The following PLA2G2C variants were observed in gnomAD, a reference collection of about 807,000 sequenced individuals.
PLA2G2C encodes the protein phospholipase A2 group IIC, also known as putative inactive group IIC secretory phospholipase A2.
A neutral mutation model predicts 14.3 loss-of-function variants in PLA2G2C; 15 were observed. The ratio of observed to expected loss-of-function variants is 1.05; its 90% CI spans 0.70 to 1.62. The LOEUF is 1.62. Ranked by LOEUF, PLA2G2C falls within the 40% of genes most tolerant of loss-of-function variation. PLA2G2C has a pLI of 0.00. For missense variants in PLA2G2C, 162 were observed against 173.2 expected, an observed-to-expected ratio of 0.94 and a Z score of 0.36; for synonymous variants, 79 against 67.7, an observed-to-expected ratio of 1.17 and a Z score of -0.82.
intron 4 of PLA2G2C, among the ~76,000 whole-genome samples, chr1:20,169,581 G>A (rs2100714617): frequency 6.6e-6 from 1 of 152,290 alleles, no homozygotes; most frequent in East Asian, 1.9e-4. Context: ...AAATCCCAGT[G>A]CCGTAAGCAA....
chr1:20,176,605 C>T (rs976341644), intron 2 of PLA2G2C, among the ~76,000 whole-genome samples: 3 of 152,216 alleles, frequency 2.0e-5, no homozygotes, highest in African/African-American at 4.8e-5. Context: ...GCTGCAGAGG[C>T]GGTCATCCCT....
chr1:20,176,685 A>G (rs1343345750), intron 2 of PLA2G2C, among the ~76,000 whole-genome samples: 2 of 152,216 alleles, frequency 1.3e-5, no homozygotes, highest in Non-Finnish European at 2.9e-5. Context: ...GGGGAAAGGA[A>G]GTCTGTTTTT....
At chr1:20,169,045 G>C (rs189492030) in intron 4 of PLA2G2C, among the ~76,000 whole-genome samples, 1 of 151,688 alleles carries the variant, frequency 6.6e-6, no homozygotes, top group South Asian at 2.2e-4. Flanking sequence ...AGCAGCCCCC[G>C]GTTGCTAGGC....
At chr1:20,172,098 C>T (rs1039855783) in intron 4 of PLA2G2C, among the ~76,000 whole-genome samples, 2 of 152,148 alleles carry the variant, frequency 1.3e-5, no homozygotes, top group African/African-American at 4.8e-5. Context: ...TCTTCACCCT[C>T]CCAGCCCAGG....
chr1:20,184,381 A>G (rs1380634706), intron 1 of PLA2G2C: 1 of 152,272 alleles, frequency 6.6e-6, no homozygotes, highest in African/African-American at 2.4e-5. Context: ...TTAACAAGAA[A>G]TAAGCCGTCA....
At chr1:20,183,502 A>T (rs1199868573) in intron 1 of PLA2G2C, among the ~76,000 whole-genome samples, 1 of 152,192 alleles carries the variant, frequency 6.6e-6, no homozygotes, top group Non-Finnish European at 1.5e-5. Flanking sequence ...CTGAGGCTCC[A>T]CTGTTTTCTA....
intron 4 of PLA2G2C, among the ~76,000 whole-genome samples, chr1:20,166,894 C>T (rs10916715): frequency 0.13 from 20,175 of 152,192 alleles, 1,718 homozygotes; most frequent in East Asian, 0.49. Context: ...ATGGACCGGG[C>T]CTGTCATGAC....
chr1:20,178,172 G>A (rs2100722989), intron 1 of PLA2G2C, among the ~76,000 whole-genome samples: 1 of 152,206 alleles, frequency 6.6e-6, no homozygotes, highest in East Asian at 1.9e-4. Flanking sequence ...CGATTAGTAT[G>A]GGTAATGATA....
Position 20,175,123 on chromosome 1 carries a change from C to T in PLA2G2C, c.63G>A (p.Trp21Ter). ...LFCSPTHSSFWQFQRRVKHIT... is the reference protein window; with the variant it reads ...LFCSPTHSSF ...TGTGTTTGACCCTCCTCTGAAACTGCCAGAAACTGCTGTGGGTGGGGGCTG... is the reference window on the plus strand; with the variant it reads ...TGTGTTTGACCCTCCTCTGAAACTGTCAGAAACTGCTGTGGGTGGGGGCTG... Residue 21 changes from tryptophan (W) to a stop codon, truncating the protein, a stop_gained, in exon 3 of 5, where the codon TGG (tryptophan) becomes TGA (stop). Coordinates refer to ENST00000679259, the MANE Select transcript of PLA2G2C (RefSeq NM_001367969.2). LOFTEE classifies it high-confidence loss of function. The T allele has an allele frequency of 6.2e-7, 1 of 1,613,878 alleles. No homozygotes were observed. The highest frequency in any genetic ancestry group is 1.6e-4 in the Middle Eastern group (1 of 6,062).
At chr1:20,175,940 G>A (rs1569934445) in intron 2 of PLA2G2C, among the ~76,000 whole-genome samples, 2 of 143,918 alleles carry the variant, frequency 1.4e-5, no homozygotes, top group South Asian at 2.2e-4. Flanking sequence ...ACGGAGTTTC[G>A]CTGTTGTTAC....
At chr1:20,164,639 G>A (rs12139181) in intron 4 of PLA2G2C, among the ~76,000 whole-genome samples, 1 of 152,054 alleles carries the variant, frequency 6.6e-6, no homozygotes, top group Non-Finnish European at 1.5e-5. Context: ...CCTATTTCCA[G>A]CTGCCTGCTT....
chr1:20,175,932 G>A (rs1161284580), intron 2 of PLA2G2C, among the ~76,000 whole-genome samples: 3 of 147,856 alleles, frequency 2.0e-5, no homozygotes, highest in South Asian at 2.1e-4. Context: ...TTTTTGAGAC[G>A]GAGTTTCGCT....
chr1:20,172,267 C>A (rs2018095853), intron 4 of PLA2G2C, among the ~76,000 whole-genome samples: 1 of 152,022 alleles, frequency 6.6e-6, no homozygotes, highest in Non-Finnish European at 1.5e-5. Flanking sequence ...GGCCACGCCC[C>A]ATGTGAAGGG....
intron 4 of PLA2G2C, among the ~76,000 whole-genome samples, chr1:20,165,850 T>C (rs1274157125): frequency 6.6e-6 from 1 of 152,156 alleles, no homozygotes; most frequent in Non-Finnish European, 1.5e-5. Flanking sequence ...TGTTTAGGGC[T>C]CTCAGGTACA....
At chr1:20,172,685 A>C in intron 4 of PLA2G2C, 109 bp downstream of exon 4, 2 of 958,600 alleles carry the variant, frequency 2.1e-6, no homozygotes, top group South Asian at 1.7e-5. Flanking sequence ...TCTCCTTCCA[A>C]GCACTTGGAA....
rs1190483824 is a variant in PLA2G2C, at chr1:20,172,887, A to G, written c.190T>C (p.Ser64Pro). Residue 64 changes from serine (S) to proline (P), a missense_variant, in exon 4 of 5, where the codon TCA (serine) becomes CCA (proline). By Grantham distance (74) the Ser-to-Pro change is moderately conservative. Transcript: ENST00000679259. ...AGCTTCTCGTAGGGAGAGGGAGATGAGGGGCTGTGCCTGGAAGTGGGTCCC... is the reference window on the plus strand; with the variant it reads ...AGCTTCTCGTAGGGAGAGGGAGATGGGGGGCTGTGCCTGGAAGTGGGTCCC... ...PVDDTDRHSP[S>P]SPSPYEKLKE... 1.2e-6 allele frequency: 2 copies of G among 1,613,616 alleles called. No individual in the cohort carries two copies. Among genetic ancestry groups the G allele is most frequent in the Non-Finnish European group, 8.5e-7 (1 of 1,179,726 alleles).
intron 1 of PLA2G2C, among the ~76,000 whole-genome samples, chr1:20,178,960 T>G (rs1316677137): frequency 6.6e-6 from 1 of 152,244 alleles, no homozygotes; most frequent in East Asian, 1.9e-4. Context: ...AGGGCTGGGG[T>G]ACCAGCTGCT....
At chr1:20,179,521 C>CTGTGTGTGTG (rs35039220) in intron 1 of PLA2G2C, among the ~76,000 whole-genome samples, 8 of 136,514 alleles carry the variant, frequency 5.9e-5, no homozygotes, top group African/African-American at 2.2e-4. Flanking sequence ...ATGTCAGTTT[C>CTGTGTGTGTG]TGTGTGTGTG....
At chr1:20,179,051 C>G (rs1204558656) in intron 1 of PLA2G2C, among the ~76,000 whole-genome samples, 2 of 152,246 alleles carry the variant, frequency 1.3e-5, no homozygotes, top group Non-Finnish European at 2.9e-5. Flanking sequence ...CCAGGGAAGA[C>G]AGGAGAAGGA....
Sources: allele counts gnomAD v4.1 joint callset (sites outside exome capture counted in the v4.1 genomes callset), GRCh38; gene constraint gnomAD v4.1.1; transcripts MANE v1.5; gene names NCBI Gene and HGNC (gene_info 2026-07-23, HGNC 2026-07-21).